The following ODAD2 variants were observed in gnomAD, a reference collection of about 807,000 sequenced individuals.
The protein encoded by ODAD2 is outer dynein arm docking complex subunit 2, also known as outer dynein arm-docking complex subunit 2.
Under a neutral mutation model 106.8 loss-of-function variants are expected in ODAD2, and 89 were observed. The observed-to-expected ratio is 0.83, with a 90% CI of 0.70 to 0.99. The LOEUF (loss-of-function observed/expected upper bound fraction) is 0.99, where lower values mean the gene tolerates loss of function less well. Ranked by LOEUF, ODAD2 falls within the 50% of genes least tolerant of loss-of-function variation. The pLI is 0.00. For synonymous variants in ODAD2, 404 were observed against 436.2 expected, an observed-to-expected ratio of 0.93 and a Z score of 0.92; for missense variants, 1,168 against 1,238.5, an observed-to-expected ratio of 0.94 and a Z score of 0.85.
intron 1 of ODAD2, among the ~76,000 whole-genome samples, chr10:27,995,491 T>A (rs1185742144): frequency 2.0e-5 from 3 of 151,580 alleles, no homozygotes; most frequent in South Asian, 2.1e-4. Flanking sequence ...ACTCCAAGAG[T>A]GGAAAAAAAA....
intron 19 of ODAD2, among the ~76,000 whole-genome samples, chr10:27,838,303 G>C (rs758943621): frequency 6.6e-6 from 1 of 152,286 alleles, no homozygotes; most frequent in African/African-American, 2.4e-5. Flanking sequence ...TCTTATACGA[G>C]AACACTATTT....
intron 19 of ODAD2, among the ~76,000 whole-genome samples, chr10:27,833,192 A>G (rs1837615336): frequency 1.3e-5 from 2 of 152,242 alleles, no homozygotes; most frequent in Admixed American, 1.3e-4. Context: ...AATACAGTGC[A>G]TGCTTTCTAA....
intron 17 of ODAD2, among the ~76,000 whole-genome samples, chr10:27,870,787 C>G (rs1840814804): frequency 6.6e-6 from 1 of 152,174 alleles, no homozygotes; most frequent in African/African-American, 2.4e-5. Flanking sequence ...CAAGTATTTG[C>G]TATTGTGAAT....
At chr10:27,850,444 CAAAAAAAAAAAA>C (rs10713871) in intron 19 of ODAD2, among the ~76,000 whole-genome samples, 1 of 89,582 alleles carries the variant, frequency 1.1e-5, no homozygotes, top group Non-Finnish European at 2.2e-5. Context: ...GACTCCGTCT[CAAAAAAAAAAAA>C]AAAAAAAAAA....
At chr10:27,944,524 G>GT (rs1016645658) in intron 11 of ODAD2, 93 bp from the exon 12 acceptor site, 2 of 1,180,398 alleles carry the variant, frequency 1.7e-6, no homozygotes, top group South Asian at 1.4e-5. Flanking sequence ...CCCCAGTTAA[G>GT]TTTTTTAAGA....
chr10:27,958,667 T>C (rs753236178), intron 10 of ODAD2, among the ~76,000 whole-genome samples: 68 of 152,346 alleles, frequency 4.5e-4, no homozygotes, highest in Non-Finnish European at 8.7e-4. Flanking sequence ...ACAATAATAA[T>C]AAGCAATAGA....
intron 17 of ODAD2, among the ~76,000 whole-genome samples, chr10:27,864,914 G>T (rs1291251289): frequency 6.6e-6 from 1 of 152,134 alleles, no homozygotes; most frequent in East Asian, 1.9e-4. Context: ...TTCCATTTTA[G>T]GTTTTTAAAA....
chr10:27,960,434 C>T (rs1166605839), intron 10 of ODAD2, among the ~76,000 whole-genome samples: 2 of 151,172 alleles, frequency 1.3e-5, no homozygotes, highest in Non-Finnish European at 2.9e-5. Flanking sequence ...GCAACCTCCG[C>T]CTCCTGGGTT....
At chr10:27,973,321 C>T (rs1358575037) in intron 7 of ODAD2, among the ~76,000 whole-genome samples, 1 of 152,070 alleles carries the variant, frequency 6.6e-6, no homozygotes, top group Non-Finnish European at 1.5e-5. Flanking sequence ...TGGCAAAACC[C>T]CATCTGTACC....
intron 16 of ODAD2, among the ~76,000 whole-genome samples, chr10:27,908,232 A>G (rs1416159079): frequency 1.3e-5 from 2 of 152,208 alleles, no homozygotes; most frequent in African/African-American, 2.4e-5. Context: ...GTCCTAATCT[A>G]GCATTAGGAA....
intron 16 of ODAD2, among the ~76,000 whole-genome samples, chr10:27,910,979 C>T (rs972761973): frequency 8.6e-5 from 13 of 152,042 alleles, no homozygotes; most frequent in African/African-American, 2.4e-4. Context: ...TTTAAAGACA[C>T]CTTATTAAAT....
chr10:27,861,171 T>C (rs1196223804), intron 18 of ODAD2, among the ~76,000 whole-genome samples: 1 of 152,182 alleles, frequency 6.6e-6, no homozygotes, highest in Non-Finnish European at 1.5e-5. Context: ...TTTGTATTTT[T>C]AGTAGAGAAG....
At chr10:27,935,875 T>TACAC (rs1311689150) in intron 15 of ODAD2, among the ~76,000 whole-genome samples, 2 of 151,404 alleles carry the variant, frequency 1.3e-5, no homozygotes, top group African/African-American at 4.9e-5. Flanking sequence ...TACACACACA[T>TACAC]ACACACACAC....
intron 18 of ODAD2, among the ~76,000 whole-genome samples, chr10:27,861,281 T>G (rs1840023060): frequency 6.6e-6 from 1 of 152,178 alleles, no homozygotes; most frequent in Admixed American, 6.5e-5. Context: ...CGTGAGCCAC[T>G]GCACCCAGCT....
intron 17 of ODAD2, among the ~76,000 whole-genome samples, chr10:27,882,196 A>AGAAAGAAAGAAAGAAG (rs1841772909): frequency 6.6e-6 from 1 of 151,004 alleles, no homozygotes; most frequent in Non-Finnish European, 1.5e-5. Flanking sequence ...AAAGAAAGAA[A>AGAAAGAAAGAAAGAAG]GAAAGAAAGA....
At chr10:27,868,134 C>G (rs1289909196) in intron 17 of ODAD2, among the ~76,000 whole-genome samples, 1 of 152,146 alleles carries the variant, frequency 6.6e-6, no homozygotes. Context: ...AATGAGGTAT[C>G]ATCTCATGCC....
intron 17 of ODAD2, among the ~76,000 whole-genome samples, chr10:27,906,797 A>C (rs1316626529): frequency 6.6e-6 from 1 of 152,152 alleles, no homozygotes; most frequent in Non-Finnish European, 1.5e-5. Context: ...CTCATTCATA[A>C]GCGGGAGTTG....
chr10:27,933,182 T>TGG (rs1172786911), intron 16 of ODAD2, among the ~76,000 whole-genome samples: 3 of 152,118 alleles, frequency 2.0e-5, no homozygotes, highest in Non-Finnish European at 4.4e-5. Context: ...CCCATGAGTT[T>TGG]GAAGTTGCAG....
At chr10:27,818,088 C>T (rs908152823) in intron 19 of ODAD2, among the ~76,000 whole-genome samples, 1 of 151,422 alleles carries the variant, frequency 6.6e-6, no homozygotes, top group African/African-American at 2.4e-5. Context: ...CACATCACTA[C>T]CAAATAATTG....
Sources: gnomAD v4.1 joint callset for allele counts (sites outside exome capture counted in the v4.1 genomes callset) on GRCh38, gnomAD v4.1.1 for gene constraint, MANE v1.5 for transcripts, NCBI Gene and HGNC (gene_info 2026-07-23, HGNC 2026-07-21) for gene names.